CFAP45: variants seen among roughly 807,000 people sequenced by gnomAD.
CFAP45 encodes the protein cilia- and flagella-associated protein 45.
CFAP45 carries 43 observed loss-of-function variants against 75.6 expected under a neutral mutation model. That is an observed-to-expected ratio of 0.57 (90% CI 0.45 to 0.73). The LOEUF is 0.73. Ranked by LOEUF, CFAP45 falls within the 30% of genes least tolerant of loss-of-function variation. The pLI is 0.00. For missense variants in CFAP45, 689 were observed against 701.5 expected (o/e 0.98, Z 0.20); for synonymous variants, 223 against 244.6 (o/e 0.91, Z 0.82).
At chr1:159,899,610 G>GGCGCCCGCCACC (rs1650026957) in intron 1 of CFAP45, among the ~76,000 whole-genome samples, 1 of 152,026 alleles carries the variant, frequency 6.6e-6, no homozygotes, top group Non-Finnish European at 1.5e-5. Flanking sequence ...TGGGACTACA[G>GGCGCCCGCCACC]GCGCCCGCCA....
At chr1:159,880,242 CA>C (rs572361625) in intron 8 of CFAP45, among the ~76,000 whole-genome samples, 80 of 152,250 alleles carry the variant, frequency 5.3e-4, no homozygotes, top group African/African-American at 1.9e-3. Flanking sequence ...GACAAATCCA[CA>C]AAAAAACTCA....
intron 9 of CFAP45, among the ~76,000 whole-genome samples, 191 bp from the exon 10 acceptor site, chr1:159,876,940 A>G (rs1183057315): frequency 6.6e-6 from 1 of 152,172 alleles, no homozygotes; most frequent in African/African-American, 2.4e-5. Context: ...TTAGAAGATA[A>G]CCTGAGGGGT....
Position 159,876,741 on chromosome 1 carries a change from C to T in CFAP45, c.1167G>A (p.Leu389=), listed in dbSNP as rs752997956. The T allele has an allele frequency of 1.9e-6, 3 of 1,614,184 alleles. No homozygotes were observed. Among genetic ancestry groups the T allele is most frequent in the South Asian group, 2.2e-5 (2 of 91,084 alleles). ...AQDYQAEQDA[L]RAKRNQEVAD... ...CAACCTCCTGGTTGCGCTTGGCCCG[C>T]AAGGCATCCTGGGAATGTTGGCAGG... is the stretch of plus-strand genomic sequence containing the variant. Residue 389 remains leucine (L), a synonymous_variant, in exon 10 of 12, where the codon TTG becomes TTA. Coordinates refer to ENST00000368099, the MANE Select transcript of CFAP45 (RefSeq NM_012337.3).
At chr1:159,894,533 TG>T (rs539317928) in intron 1 of CFAP45, among the ~76,000 whole-genome samples, 87 of 152,248 alleles carry the variant, frequency 5.7e-4, no homozygotes, top group Non-Finnish European at 1.2e-3. Flanking sequence ...AGGCAGTGGG[TG>T]AATGATAAAT....
Position 159,873,186 on chromosome 1 carries a change from G to A in CFAP45, c.1353-18C>T, listed in dbSNP as rs758540353. The A allele has an allele frequency of 1.2e-5, 19 of 1,606,804 alleles. No individual in the cohort carries two copies. In the African/African-American group the frequency reaches 2.3e-4, roughly 19 times the overall value. ...TCTGAGCCCTGGGGGAGGGAAACAG[G>A]AATGGAATGAACTCAGCTGAGCTGG... On this transcript the variant is annotated intron_variant, in intron 10 of 11. Transcript: ENST00000368099.
At chr1:159,894,596 G>A (rs1269818360) in intron 1 of CFAP45, among the ~76,000 whole-genome samples, 2 of 152,186 alleles carry the variant, frequency 1.3e-5, no homozygotes, top group East Asian at 3.8e-4. Flanking sequence ...CTATTTGGCT[G>A]TTTCTCTCCC....
Position 159,880,623 on chromosome 1 carries a change from C to T in CFAP45, c.975G>A (p.Gln325=), listed in dbSNP as rs760240240. 1.2e-6 allele frequency: 2 copies of T among 1,614,026 alleles called. No individual in the cohort carries two copies. The highest frequency in any genetic ancestry group is 8.5e-7 in the Non-Finnish European group (1 of 1,179,936). Residue 325 remains glutamine (Q), a synonymous_variant, in exon 8 of 12, where the codon CAG becomes CAA. Coordinates refer to ENST00000368099, the MANE Select transcript of CFAP45 (RefSeq NM_012337.3). The part of the protein sequence containing the change: ...IKRINDENQK[Q]KAELLAQEKL... ...TCTCCTGAGCCAGCAGTTCTGCTTTCTGTTTCTGGTTTTCATCATTGATGC... is the reference window on the plus strand; with the variant it reads ...TCTCCTGAGCCAGCAGTTCTGCTTTTTGTTTCTGGTTTTCATCATTGATGC...
At chr1:159,874,995 G>A (rs1364672541) in intron 10 of CFAP45, among the ~76,000 whole-genome samples, 1 of 152,150 alleles carries the variant, frequency 6.6e-6, no homozygotes, top group East Asian at 1.9e-4. Flanking sequence ...AGTTGGATTT[G>A]GGCTGTGGCA....
intron 8 of CFAP45, among the ~76,000 whole-genome samples, chr1:159,878,799 T>C (rs1395875291): frequency 9.8e-6 from 1 of 102,552 alleles, no homozygotes; most frequent in Non-Finnish European, 2.1e-5. Flanking sequence ...TTGCCCTCAT[T>C]CTACCTGCCC....
intron 1 of CFAP45, chr1:159,898,076 AT>A: frequency 2.0e-6 from 2 of 982,080 alleles, no homozygotes; most frequent in Non-Finnish European, 2.4e-6. Flanking sequence ...CCATTCTGAG[AT>A]CTAGTTCTTC....
At chr1:159,875,475 G>A (rs1649378164) in intron 10 of CFAP45, among the ~76,000 whole-genome samples, 1 of 152,162 alleles carries the variant, frequency 6.6e-6, no homozygotes, top group Non-Finnish European at 1.5e-5. Context: ...CAAAAATCTG[G>A]CTCTCGTAAG....
intron 1 of CFAP45, among the ~76,000 whole-genome samples, chr1:159,896,301 A>AAGAG (rs1470680593): frequency 1.3e-5 from 2 of 152,184 alleles, no homozygotes; most frequent in Non-Finnish European, 2.9e-5. Context: ...AGAACAGAGG[A>AAGAG]AGAAAAACAG....
intron 8 of CFAP45, among the ~76,000 whole-genome samples, chr1:159,879,931 A>G (rs1167918710): frequency 6.6e-6 from 1 of 152,176 alleles, no homozygotes; most frequent in African/African-American, 2.4e-5. Flanking sequence ...CTTTATCTAT[A>G]CCACTCTTAA....
In CFAP45 at chr1:159,886,526, C is replaced by A; in HGVS notation, c.752G>T (p.Arg251Met). Reference protein sequence around the residue: ...QRQEELERKRREERIRGRRQI... With the variant: ...QRQEELERKRMEERIRGRRQI... ...ACATCTTTACCTAATTCTTTCCTCCCTCCTCTTCCTCTCCAGTTCCTCCTG... is the reference window on the plus strand; with the variant it reads ...ACATCTTTACCTAATTCTTTCCTCCATCCTCTTCCTCTCCAGTTCCTCCTG... Residue 251 changes from arginine (R) to methionine (M), a missense_variant, in exon 6 of 12, where the codon AGG (arginine) becomes ATG (methionine). Arg to Met is a moderately conservative substitution (Grantham distance 91, BLOSUM62 -1). Transcript: ENST00000368099. 6.2e-7 allele frequency: 1 copy of A among 1,613,958 alleles called. No individual in the cohort carries two copies. The highest frequency in any genetic ancestry group is 8.5e-7 in the Non-Finnish European group (1 of 1,179,832).
At chr1:159,880,723 C>T (rs753571867) in intron 7 of CFAP45, 23 bp from the exon 8 acceptor site, 3 of 1,612,748 alleles carry the variant, frequency 1.9e-6, no homozygotes, top group East Asian at 2.2e-5. Context: ...GAAAGAGAGC[C>T]TCAGAGTACA....
intron 2 of CFAP45, among the ~76,000 whole-genome samples, chr1:159,890,920 G>A (rs1027873337): frequency 7.9e-5 from 12 of 151,918 alleles, no homozygotes; most frequent in African/African-American, 2.7e-4. Flanking sequence ...CACCATGCCT[G>A]GCTAATTTTT....
intron 7 of CFAP45, among the ~76,000 whole-genome samples, chr1:159,883,627 T>A (rs12082903): frequency 1.3e-4 from 1 of 7,688 alleles, no homozygotes; most frequent in African/African-American, 4.6e-4. Flanking sequence ...CAATAAAATA[T>A]ATATATATAT....
Position 159,886,526 on chromosome 1 carries a change from C to T in CFAP45, c.752G>A (p.Arg251Lys). Residue 251 changes from arginine (R) to lysine (K), a missense_variant, in exon 6 of 12, where the codon AGG becomes AAG. Coordinates refer to ENST00000368099, the MANE Select transcript of CFAP45 (RefSeq NM_012337.3). The stretch of plus-strand genomic sequence containing the variant: ...ACATCTTTACCTAATTCTTTCCTCC[C>T]TCCTCTTCCTCTCCAGTTCCTCCTG... ...QRQEELERKRREERIRGRRQI... is the reference protein window; with the variant it reads ...QRQEELERKRKEERIRGRRQI... 1 of 1,613,958 alleles carries T rather than the reference C, an allele frequency of 6.2e-7. No homozygotes were observed. Among genetic ancestry groups the T allele is most frequent in the East Asian group, 2.2e-5 (1 of 44,878 alleles).
chr1:159,883,842 G>A (rs757222590), intron 7 of CFAP45, among the ~76,000 whole-genome samples: 1 of 152,016 alleles, frequency 6.6e-6, no homozygotes, highest in Non-Finnish European at 1.5e-5. Flanking sequence ...GTGCTAAAGG[G>A]TTTTATACAT....
Sources: gnomAD v4.1 joint callset for allele counts (sites outside exome capture counted in the v4.1 genomes callset) on GRCh38, gnomAD v4.1.1 for gene constraint, MANE v1.5 for transcripts, NCBI Gene and HGNC (gene_info 2026-07-23, HGNC 2026-07-21) for gene names.